LIMCH1: variants seen among roughly 807,000 people sequenced by gnomAD.
LIMCH1 encodes the protein LIM and calponin homology domains 1.
LIMCH1 carries 113 observed loss-of-function variants against 176.5 expected under a neutral mutation model. The observed-to-expected ratio is 0.64, with a 90% CI of 0.55 to 0.75. The LOEUF (loss-of-function observed/expected upper bound fraction) is 0.75, where lower values mean the gene tolerates loss of function less well. Ranked by LOEUF, LIMCH1 falls within the 30% of genes least tolerant of loss-of-function variation. The pLI is 0.00. For synonymous variants in LIMCH1, 619 were observed against 645.9 expected (o/e 0.96, Z 0.63); for missense variants, 1,674 against 1,814.9 (o/e 0.92, Z 1.41).
chr4:41,484,223 C>A (rs2069132120), intron 1 of LIMCH1, among the ~76,000 whole-genome samples: 1 of 152,328 alleles, frequency 6.6e-6, no homozygotes, highest in Admixed American at 6.5e-5. Flanking sequence ...AACCACACAT[C>A]TTTTCCATCA....
At chr4:41,403,784 T>C (rs903176183) in intron 1 of LIMCH1, among the ~76,000 whole-genome samples, 3 of 152,164 alleles carry the variant, frequency 2.0e-5, no homozygotes, top group African/African-American at 7.2e-5. Context: ...CCTAGTGAAC[T>C]GCTGAGAAGA....
chr4:41,473,576 A>C (rs1339039532), intron 1 of LIMCH1, among the ~76,000 whole-genome samples: 1 of 152,348 alleles, frequency 6.6e-6, no homozygotes, highest in East Asian at 1.9e-4. Context: ...TTAAAGACTT[A>C]AATGCAAAAC....
At chr4:41,400,941 A>G (rs1050980722) in intron 1 of LIMCH1, among the ~76,000 whole-genome samples, 2 of 152,208 alleles carry the variant, frequency 1.3e-5, no homozygotes, top group Non-Finnish European at 2.9e-5. Context: ...GCCCTTTGTC[A>G]GATGAGTAGG....
At chr4:41,683,151 C>T (rs1285978876) in intron 26 of LIMCH1, among the ~76,000 whole-genome samples, 1 of 152,146 alleles carries the variant, frequency 6.6e-6, no homozygotes, top group African/African-American at 2.4e-5. Flanking sequence ...TGTGGTTTCA[C>T]TGTGGACCTG....
intron 1 of LIMCH1, among the ~76,000 whole-genome samples, chr4:41,410,667 T>G (rs12509969): frequency 0.61 from 92,931 of 151,990 alleles, 30,015 homozygotes; most frequent in East Asian, 0.82. Flanking sequence ...ACTGCCAGCA[T>G]TCTCCTCTCC....
chr4:41,360,758 A>G (rs990800073), upstream of LIMCH1: 1 of 986,872 alleles, frequency 1.0e-6, no homozygotes, highest in Non-Finnish European at 1.4e-6. This position sits in a 1 kb window ranked among gnomAD's most constrained non-coding sequence, Gnocchi z 4.5. Context: ...GGCGGGCGGG[A>G]AGGGGCGGGG....
At chr4:41,404,728 A>C (rs768001082) in intron 1 of LIMCH1, among the ~76,000 whole-genome samples, 2 of 152,134 alleles carry the variant, frequency 1.3e-5, no homozygotes, top group African/African-American at 2.4e-5. Flanking sequence ...GCGGTGAGCC[A>C]GGATTGTGCC....
intron 2 of LIMCH1, among the ~76,000 whole-genome samples, chr4:41,510,925 G>C (rs2074828958): frequency 6.6e-6 from 1 of 152,202 alleles, no homozygotes; most frequent in Admixed American, 6.5e-5. Context: ...TGAAGAAATA[G>C]ACTTCCTTCT....
chr4:41,481,881 C>G (rs959970248), intron 1 of LIMCH1, among the ~76,000 whole-genome samples: 2 of 149,890 alleles, frequency 1.3e-5, no homozygotes, highest in Non-Finnish European at 3.0e-5. Flanking sequence ...GACTGAGTCT[C>G]TCTCTGTCAC....
Position 41,629,501 on chromosome 4 carries a change from C to T in LIMCH1, c.1038C>T (p.Gly346=). The change falls in exon 9 of 32, where the codon GGC becomes GGT. Residue 346 remains glycine, a synonymous_variant. Coordinates refer to ENST00000503057, the MANE Select transcript of LIMCH1 (RefSeq NM_001330672.2). ...KRSLEYKRNQ[G]HTEEVKLIVT... is the part of the protein sequence containing the mutation. ...CGGATCAAATGGACAGAAACCAGGG[C>T]CACACAGAAGAGGTGAAGTTGATAG... 1 of 1,535,932 alleles carries T rather than the reference C, an allele frequency of 6.5e-7. No individual in the cohort carries two copies. Among genetic ancestry groups the T allele is most frequent in the Non-Finnish European group, 8.7e-7 (1 of 1,146,870 alleles).
chr4:41,516,848 G>A (rs1485849359), intron 2 of LIMCH1, among the ~76,000 whole-genome samples: 1 of 152,188 alleles, frequency 6.6e-6, no homozygotes, highest in African/African-American at 2.4e-5. Context: ...TGCCATCCCA[G>A]CAAGATCCGG....
Position 41,409,459 on chromosome 4 carries a change from A to C in LIMCH1, c.96+48523A>C, listed in dbSNP as rs544497217. The stretch of plus-strand genomic sequence containing the variant: ...ATGATACACTATTGAGGTGAGTCAG[A>C]AAATGTATCTAGTGATAACTAGTAA... On this transcript the variant is annotated intron_variant, in intron 1 of 26. Transcript: ENST00000313860. Among the ~76,000 whole-genome samples the C allele has an allele frequency of 5.3e-5, 8 of 152,348 alleles. No homozygotes were observed. In the East Asian group the frequency reaches 1.5e-3, roughly 29 times the overall value.
intron 1 of LIMCH1, among the ~76,000 whole-genome samples, chr4:41,581,529 G>A (rs1395801679): frequency 3.3e-5 from 5 of 152,002 alleles, no homozygotes; most frequent in East Asian, 1.9e-4. Context: ...AGTGACAGCC[G>A]GGCGCAGTGG....
chr4:41,475,754 C>G (rs537608011), intron 1 of LIMCH1, among the ~76,000 whole-genome samples: 2 of 152,172 alleles, frequency 1.3e-5, no homozygotes, highest in African/African-American at 4.8e-5. Flanking sequence ...AGGACAAATA[C>G]CTAGTGCATG....
At chr4:41,458,154 C>T (rs1327892872) in intron 1 of LIMCH1, among the ~76,000 whole-genome samples, 1 of 152,086 alleles carries the variant, frequency 6.6e-6, no homozygotes, top group Admixed American at 6.5e-5. Context: ...CATACACCTG[C>T]TATGTACCCA....
chr4:41,680,054 G>A lies in LIMCH1; in HGVS notation c.3568G>A (p.Ala1190Thr). 1 of 1,610,704 alleles carries A rather than the reference G, an allele frequency of 6.2e-7. No individual in the cohort carries two copies. The highest frequency in any genetic ancestry group is 1.7e-5 in the Admixed American group (1 of 59,610). The stretch of plus-strand genomic sequence containing the variant: ...CAAGCTGAAAGAAGAGTGGGAAAAG[G>A]CCCAAAAGGAGGTGGAAGAGGAAGA... ...QDKLKEEWEK[A>T]QKEVEEEERR... Residue 1190 changes from alanine to threonine, a missense_variant, in exon 24 of 32, where the codon GCC becomes ACC. This residue lies in a region of LIMCH1 where 1,015 missense variants were observed against 1,102.5 expected (regional missense o/e 0.92). Coordinates refer to ENST00000503057, the MANE Select transcript of LIMCH1 (RefSeq NM_001330672.2).
intron 3 of LIMCH1, among the ~76,000 whole-genome samples, chr4:41,527,769 G>A (rs1383748495): frequency 7.3e-6 from 1 of 137,856 alleles, no homozygotes; most frequent in African/African-American, 2.8e-5. Flanking sequence ...CTTGCAGTGA[G>A]CCAAGATTGC....
At chr4:41,585,691 C>G (rs1213166987) in intron 1 of LIMCH1, among the ~76,000 whole-genome samples, 1 of 152,210 alleles carries the variant, frequency 6.6e-6, no homozygotes, top group East Asian at 1.9e-4. Flanking sequence ...GTATTCTCAT[C>G]AACACTTGTT....
chr4:41,631,525 C>T, intron 10 of LIMCH1, 48 bp downstream of exon 10: 1 of 1,414,380 alleles, frequency 7.1e-7, no homozygotes, highest in Non-Finnish European at 9.3e-7. Flanking sequence ...GGAGTCACTG[C>T]TGCTTTTGTA....
Sources: gnomAD v4.1 joint callset for allele counts (sites outside exome capture counted in the v4.1 genomes callset) on GRCh38, gnomAD v4.1.1 for gene constraint, gnomAD v4.1.1 regional missense constraint, Gnocchi (gnomAD v3.1) non-coding constraint, MANE v1.5 for transcripts, NCBI Gene and HGNC (gene_info 2026-07-23, HGNC 2026-07-21) for gene names.